The following SHISA9 variants were observed in gnomAD, a reference collection of about 807,000 sequenced individuals.
SHISA9 encodes shisa family member 9.
Under a neutral mutation model 38.0 loss-of-function variants are expected in SHISA9, and 13 were observed. The ratio of observed to expected loss-of-function variants is 0.34; its 90% CI spans 0.22 to 0.54. The LOEUF (loss-of-function observed/expected upper bound fraction) is 0.54. Among genes scored for constraint, SHISA9 ranks in the 20% least tolerant of loss-of-function variants. The pLI, the probability that SHISA9 is intolerant of heterozygous loss-of-function variation, is 0.91. For missense variants in SHISA9, 538 were observed against 575.8 expected, an observed-to-expected ratio of 0.93 and a Z score of 0.67; for synonymous variants, 275 against 242.0, an observed-to-expected ratio of 1.14 and a Z score of -1.27.
chr16:13,417,415 C>G, the SHISA9 span, among the ~76,000 whole-genome samples: 1 of 152,000 alleles, frequency 6.6e-6, no homozygotes, highest in South Asian at 2.1e-4. Context: ...AATCTGTCCA[C>G]TAAAGGAGAA....
chr16:13,118,766 T>G (rs55762737), intron 2 of SHISA9, among the ~76,000 whole-genome samples: 9,447 of 150,022 alleles, frequency 0.063, 569 homozygotes, highest in African/African-American at 0.15. Context: ...TTTCACTCTT[T>G]TTGCCCAGGC....
chr16:13,019,571 G>A (rs1393158995), intron 2 of SHISA9, among the ~76,000 whole-genome samples: 1 of 151,676 alleles, frequency 6.6e-6, no homozygotes, highest in Non-Finnish European at 1.5e-5. Context: ...AGGTACATTT[G>A]CAGTGTTGTG....
chr16:13,448,923 G>C, the SHISA9 span, among the ~76,000 whole-genome samples: 1 of 152,120 alleles, frequency 6.6e-6, no homozygotes. Context: ...TCAAGCATTT[G>C]AAGAATATGT....
At chr16:13,111,288 C>G (rs2073975539) in intron 2 of SHISA9, among the ~76,000 whole-genome samples, 1 of 151,190 alleles carries the variant, frequency 6.6e-6, no homozygotes, top group Non-Finnish European at 1.5e-5. Context: ...TTTTTGCAAT[C>G]TATCCATCTG....
At chr16:13,411,968 TAGTC>T in the SHISA9 span, among the ~76,000 whole-genome samples, 2 of 151,692 alleles carry the variant, frequency 1.3e-5, no homozygotes, top group African/African-American at 2.4e-5. Context: ...CCATCTACAA[TAGTC>T]AGCAGGTGTG....
chr16:13,325,734 G>C, the SHISA9 span, among the ~76,000 whole-genome samples: 1 of 152,122 alleles, frequency 6.6e-6, no homozygotes, highest in Non-Finnish European at 1.5e-5. Context: ...AAAGGAATGA[G>C]TTCATGTCCT....
chr16:13,486,042 ACG>A, the SHISA9 span, among the ~76,000 whole-genome samples: 1 of 152,048 alleles, frequency 6.6e-6, no homozygotes, highest in Non-Finnish European at 1.5e-5. Flanking sequence ...CCCTTTCTCC[ACG>A]TCATCCAGAG....
At chr16:13,421,189 C>T in the SHISA9 span, among the ~76,000 whole-genome samples, 1 of 132,048 alleles carries the variant, frequency 7.6e-6, no homozygotes, top group Non-Finnish European at 1.6e-5. Context: ...AGAGACAGTG[C>T]CATTTCTTCT....
At position 13,056,279 on chromosome 16, in the gene SHISA9, C is replaced by G. The variant is rs913006759; in HGVS notation, c.691+139464C>G. On this transcript the variant is annotated intron_variant, in intron 2 of 4. Coordinates refer to ENST00000558583, the MANE Select transcript of SHISA9 (RefSeq NM_001145204.3). ...GTGTGCTGGGGGTGTATACTTGAAT[C>G]AAAGAGGCATTGGTAGAAGAAGAGC... 9.2e-5 allele frequency among the ~76,000 whole-genome samples: 14 copies of G among 152,286 alleles called. 1 individual carries two copies. The East Asian group carries it at 2.7e-3, about 29-fold the overall frequency.
chr16:13,372,688 TAAG>T, the SHISA9 span, among the ~76,000 whole-genome samples: 1 of 152,230 alleles, frequency 6.6e-6, no homozygotes, highest in Non-Finnish European at 1.5e-5. Flanking sequence ...GACTAATATT[TAAG>T]AAGCTCTTTT....
chr16:13,073,975 T>TG (rs1452512296), intron 2 of SHISA9, among the ~76,000 whole-genome samples: 2 of 149,180 alleles, frequency 1.3e-5, no homozygotes, highest in African/African-American at 5.0e-5. Context: ...TTTTGTTTTT[T>TG]TTTTTTGTGG....
the SHISA9 span, among the ~76,000 whole-genome samples, chr16:13,517,105 G>C: frequency 6.6e-6 from 1 of 152,092 alleles, no homozygotes; most frequent in Admixed American, 6.5e-5. Flanking sequence ...TCCAGTAGCT[G>C]GTATCTTTCT....
At chr16:13,454,081 C>T in the SHISA9 span, among the ~76,000 whole-genome samples, 1 of 152,164 alleles carries the variant, frequency 6.6e-6, no homozygotes, top group Non-Finnish European at 1.5e-5. Flanking sequence ...TTGATCCTTT[C>T]TAGAGGACAG....
chr16:13,146,900 A>G (rs929129085), intron 2 of SHISA9, among the ~76,000 whole-genome samples: 2 of 152,188 alleles, frequency 1.3e-5, no homozygotes, highest in African/African-American at 4.8e-5. Context: ...ATTTCAGTCA[A>G]TTTTAGTTTA....
intron 2 of SHISA9, among the ~76,000 whole-genome samples, chr16:12,995,846 G>A (rs1011593393): frequency 1.3e-5 from 2 of 152,126 alleles, no homozygotes; most frequent in African/African-American, 4.8e-5. Context: ...ATGCGTGTAC[G>A]AAAGTCTTGA....
At chr16:13,374,636 G>A in the SHISA9 span, among the ~76,000 whole-genome samples, 1 of 152,180 alleles carries the variant, frequency 6.6e-6, no homozygotes. Context: ...ATGTGTGCAT[G>A]TGTCTTTATA....
At chr16:13,081,799 G>A (rs908999431) in intron 2 of SHISA9, among the ~76,000 whole-genome samples, 1 of 150,226 alleles carries the variant, frequency 6.7e-6, no homozygotes, top group Non-Finnish European at 1.5e-5. Context: ...TTGCAGTGAG[G>A]CAAGATTGCG....
chr16:13,557,647 C>G, the SHISA9 span, among the ~76,000 whole-genome samples: 1 of 152,160 alleles, frequency 6.6e-6, no homozygotes, highest in South Asian at 2.1e-4. Flanking sequence ...GAGGAGAGAA[C>G]CACGCCAAGG....
chr16:13,392,301 C>A, the SHISA9 span, among the ~76,000 whole-genome samples: 1 of 152,036 alleles, frequency 6.6e-6, no homozygotes, highest in Non-Finnish European at 1.5e-5. Flanking sequence ...CTTGACAGCT[C>A]CCTTCTTTTT....
Sources: allele counts gnomAD v4.1 joint callset (sites outside exome capture counted in the v4.1 genomes callset), GRCh38; gene constraint gnomAD v4.1.1; transcripts MANE v1.5; gene names NCBI Gene and HGNC (gene_info 2026-07-23, HGNC 2026-07-21).